MBTD1: variants seen among roughly 807,000 people sequenced by gnomAD.
MBTD1 encodes mbt domain containing 1.
Under a neutral mutation model 87.8 loss-of-function variants are expected in MBTD1, and 24 were observed. The observed-to-expected ratio is 0.27, with a 90% CI of 0.20 to 0.38. The LOEUF is 0.38. Among genes scored for constraint, MBTD1 ranks in the 10% least tolerant of loss-of-function variants. The pLI, the probability that MBTD1 is intolerant of heterozygous loss-of-function variation, is 1.00. For synonymous variants in MBTD1, 237 were observed against 248.6 expected, an observed-to-expected ratio of 0.95 and a Z score of 0.44; for missense variants, 436 against 760.2, an observed-to-expected ratio of 0.57 and a Z score of 5.02.
chr17:51,217,241 C>T, intron 6 of MBTD1, 93 bp downstream of exon 6: 1 of 658,826 alleles, frequency 1.5e-6, no homozygotes, highest in Admixed American at 3.7e-5. Flanking sequence ...AAAACAAACA[C>T]CTTCTAAGGA....
chr17:51,233,504 A>G (rs777857608), intron 2 of MBTD1, among the ~76,000 whole-genome samples: 12 of 152,202 alleles, frequency 7.9e-5, no homozygotes, highest in Non-Finnish European at 1.5e-4. Flanking sequence ...AATGGATGAT[A>G]AAGTCAAGGA....
At chr17:51,199,832 G>GT (rs373922249) in intron 12 of MBTD1, among the ~76,000 whole-genome samples, 18,359 of 146,268 alleles carry the variant, frequency 0.13, 1,827 homozygotes, top group African/African-American at 0.28. Flanking sequence ...CTTTTTTTCT[G>GT]TTTTTTTTTT....
chr17:51,184,320 GT>G (rs2050441068), intron 16 of MBTD1: 1 of 152,176 alleles, frequency 6.6e-6, no homozygotes, highest in Non-Finnish European at 1.5e-5. Flanking sequence ...TCTCAGCTCT[GT>G]TTTTAGAAGG....
At chr17:51,202,588 C>G (rs2051554352) in intron 10 of MBTD1, 113 bp downstream of exon 10, 1 of 806,672 alleles carries the variant, frequency 1.2e-6, no homozygotes, top group East Asian at 2.5e-5. Context: ...AGAAGCAGCC[C>G]AAACAACTAG....
intron 16 of MBTD1, among the ~76,000 whole-genome samples, chr17:51,189,376 T>C (rs1598286029): frequency 1.3e-5 from 2 of 152,298 alleles, no homozygotes; most frequent in East Asian, 3.9e-4. Context: ...TATTAGGAAA[T>C]AGTGAAACAT....
chr17:51,252,043 G>A (rs2054817297), intron 2 of MBTD1, among the ~76,000 whole-genome samples: 1 of 152,212 alleles, frequency 6.6e-6, no homozygotes, highest in Non-Finnish European at 1.5e-5. Flanking sequence ...GGGATTACAG[G>A]CATGAGCCAC....
chr17:51,259,933 TC>T lies in MBTD1; in HGVS notation c.-212del, dbSNP rs1285630833. 6.6e-6 allele frequency: 8 copies of T among 1,205,186 alleles called. No individual in the cohort carries two copies. In the Admixed American group the frequency reaches 1.3e-4, roughly 19 times the overall value. 74.7% of individuals were successfully genotyped at this position (1,205,186 alleles called of 1,614,324 possible). A position where few individuals can be genotyped will look rare whatever the true frequency, so the allele number is the denominator to read the frequency against. ...TCCCCGGGCTGGGGGCAGGTGCCTC[TC>T]CCCGGGACTGCGGCGACTACAGGGG... On this transcript the variant is annotated 5_prime_UTR_variant, in exon 1 of 17. Coordinates refer to ENST00000586178, the MANE Select transcript of MBTD1 (RefSeq NM_017643.3).
At chr17:51,241,775 A>G (rs1287159021) in intron 2 of MBTD1, among the ~76,000 whole-genome samples, 1 of 152,162 alleles carries the variant, frequency 6.6e-6, no homozygotes, top group Non-Finnish European at 1.5e-5. Context: ...CATGTTTGCC[A>G]GGCTGGTTTC....
In MBTD1 at chr17:51,232,101, C is replaced by T. The variant is rs552172741; in HGVS notation, c.-48-6892G>A. Among the ~76,000 whole-genome samples the T allele has an allele frequency of 6.6e-5, 10 of 152,048 alleles. No individual in the cohort carries two copies. In the South Asian group the frequency reaches 1.3e-3, roughly 19 times the overall value. On this transcript the variant is annotated intron_variant, in intron 2 of 16. Coordinates refer to ENST00000586178, the MANE Select transcript of MBTD1 (RefSeq NM_017643.3). ...AGGGAGCATTTCAGGTCCACGCTCTCGGTGAAGAGGCTTCTCTGGGATTTT... is the reference window on the plus strand; with the variant it reads ...AGGGAGCATTTCAGGTCCACGCTCTTGGTGAAGAGGCTTCTCTGGGATTTT...
chr17:51,200,847 G>C (rs2051444305), intron 12 of MBTD1, among the ~76,000 whole-genome samples: 1 of 150,994 alleles, frequency 6.6e-6, no homozygotes, highest in South Asian at 2.1e-4. Flanking sequence ...CTGGATGACA[G>C]AGTGAGACCA....
chr17:51,257,601 G>T (rs1266147382), intron 2 of MBTD1, among the ~76,000 whole-genome samples: 1 of 152,130 alleles, frequency 6.6e-6, no homozygotes, highest in African/African-American at 2.4e-5. Context: ...TAAAGAATAT[G>T]GCAGCGTCTT....
chr17:51,195,683 T>C (rs1218714698), intron 12 of MBTD1, among the ~76,000 whole-genome samples: 1 of 152,242 alleles, frequency 6.6e-6, no homozygotes, highest in East Asian at 1.9e-4. Context: ...TTTACCTATC[T>C]AGTTTCAGCT....
At position 51,202,726 on chromosome 17, in the gene MBTD1, G is replaced by C. The variant is rs767292489; in HGVS notation, c.1038C>G (p.Ser346Arg). 4 of 1,614,012 alleles carry C rather than the reference G, an allele frequency of 2.5e-6. No individual in the cohort carries two copies. The Admixed American group carries it at 6.7e-5, about 27-fold the overall frequency. Reference protein sequence around the residue: ...PLIHHIGWSRSIGHRFKRSDI... With the variant: ...PLIHHIGWSRRIGHRFKRSDI... ...CAGATCTTTTGAATCGATGACCTAT[G>C]CTTCGAGACCAACCAATATGATGTA... The change falls in exon 10 of 17, where the codon AGC (serine) becomes AGG (arginine). Residue 346 changes from serine to arginine, a missense_variant. Ser to Arg is a moderately radical substitution (Grantham distance 110). This residue lies in a region of MBTD1 where 268 missense variants were observed against 401.8 expected (regional missense o/e 0.67). Coordinates refer to ENST00000586178, the MANE Select transcript of MBTD1 (RefSeq NM_017643.3).
intron 3 of MBTD1, among the ~76,000 whole-genome samples, chr17:51,221,277 A>C (rs1296110633): frequency 1.3e-5 from 2 of 152,212 alleles, no homozygotes; most frequent in Non-Finnish European, 2.9e-5. Flanking sequence ...TCGCCTGGAC[A>C]ACAGAAGGAG....
At chr17:51,237,701 T>C (rs977219237) in intron 2 of MBTD1, among the ~76,000 whole-genome samples, 2 of 152,314 alleles carry the variant, frequency 1.3e-5, no homozygotes, top group Non-Finnish European at 1.5e-5. Flanking sequence ...CTCTCATACA[T>C]TGTGGATGAG....
chr17:51,225,198 A>C lies in MBTD1; in HGVS notation c.-37T>G. ...CTCTTCTTTTCCTTTCAGATCGTGAAGAATGTTCAGTCTTTGAAGTAAGAG... is the reference window on the plus strand; with the variant it reads ...CTCTTCTTTTCCTTTCAGATCGTGACGAATGTTCAGTCTTTGAAGTAAGAG... On this transcript the variant is annotated 5_prime_UTR_variant, in exon 3 of 17. Coordinates refer to ENST00000586178, the MANE Select transcript of MBTD1 (RefSeq NM_017643.3). 2.0e-6 allele frequency: 3 copies of C among 1,513,088 alleles called. No individual in the cohort carries two copies. Among genetic ancestry groups the C allele is most frequent in the Non-Finnish European group, 2.7e-6 (3 of 1,127,102 alleles). The allele number at this position is 1,513,088 out of a possible 1,614,324, so 93.7% of individuals were successfully genotyped here.
intron 2 of MBTD1, chr17:51,250,276 T>C (rs1399174449): frequency 6.6e-6 from 1 of 152,200 alleles, no homozygotes; most frequent in African/African-American, 2.4e-5. Context: ...GAATGTATAA[T>C]GTTTATGTAC....
intron 1 of MBTD1, 45 bp downstream of exon 1, chr17:51,259,790 C>G (rs1221432964): frequency 4.9e-6 from 6 of 1,230,270 alleles, no homozygotes. Context: ...CTGCAGGCGT[C>G]CCCCCCACCT....
At chr17:51,186,293 C>T (rs1487329381) in intron 16 of MBTD1, 6 of 152,466 alleles carry the variant, frequency 3.9e-5, no homozygotes, top group African/African-American at 9.7e-5. Flanking sequence ...ACTAGGAAAG[C>T]TGTGCTGCAC....
Sources: gnomAD v4.1 joint callset for allele counts (sites outside exome capture counted in the v4.1 genomes callset) on GRCh38, gnomAD v4.1.1 for gene constraint, gnomAD v4.1.1 regional missense constraint, MANE v1.5 for transcripts, NCBI Gene and HGNC (gene_info 2026-07-23, HGNC 2026-07-21) for gene names.